RELN: variants seen among roughly 807,000 people sequenced by gnomAD.
RELN encodes the protein reelin.
In RELN, 108 loss-of-function variants were observed where a neutral mutation model predicts 427.6. The observed-to-expected ratio is 0.25, with a 90% CI of 0.22 to 0.30. The LOEUF (loss-of-function observed/expected upper bound fraction) is 0.30, where lower values mean the gene tolerates loss of function less well. RELN is among the 10% of genes least tolerant of loss of function. The pLI, the probability that RELN is intolerant of heterozygous loss-of-function variation, is 1.00. For missense variants in RELN, 3,715 were observed against 4,302.8 expected (o/e 0.86, Z 3.82); for synonymous variants, 1,524 against 1,513.4 (o/e 1.01, Z -0.16).
intron 16 of RELN, among the ~76,000 whole-genome samples, chr7:103,642,349 G>GGTTT (rs1562936417): frequency 1.8e-5 from 2 of 112,736 alleles, no homozygotes. Context: ...ATTTCATAGT[G>GGTTT]TTTTTTTTTT....
intron 6 of RELN, among the ~76,000 whole-genome samples, chr7:103,730,614 G>T (rs1188387971): frequency 6.6e-6 from 1 of 152,112 alleles, no homozygotes; most frequent in East Asian, 1.9e-4. Context: ...TATAACAAAT[G>T]TAAAAAGGCA....
intron 2 of RELN, among the ~76,000 whole-genome samples, chr7:103,837,347 C>A (rs1793435668): frequency 6.6e-6 from 1 of 152,206 alleles, no homozygotes; most frequent in African/African-American, 2.4e-5. Flanking sequence ...TTGGGAAAAT[C>A]TGACCCCTAC....
chr7:103,588,205 C>G (rs952967236), intron 28 of RELN, among the ~76,000 whole-genome samples: 3 of 152,126 alleles, frequency 2.0e-5, no homozygotes, highest in Admixed American at 2.0e-4. Flanking sequence ...AGAATGAAAT[C>G]ATGTCATTTG....
At chr7:103,911,643 G>T (rs1293494035) in intron 2 of RELN, among the ~76,000 whole-genome samples, 14 of 150,094 alleles carry the variant, frequency 9.3e-5, no homozygotes, top group Non-Finnish European at 1.6e-4. Flanking sequence ...AGAAAATGTG[G>T]CACATATACA....
chr7:103,852,898 A>C (rs899181901), intron 2 of RELN, among the ~76,000 whole-genome samples: 1 of 152,070 alleles, frequency 6.6e-6, no homozygotes, highest in Non-Finnish European at 1.5e-5. Context: ...TTCTAATTCC[A>C]ATAGTGCCTA....
intron 8 of RELN, among the ~76,000 whole-genome samples, chr7:103,720,687 A>G (rs1282887882): frequency 6.6e-6 from 1 of 152,108 alleles, no homozygotes; most frequent in Non-Finnish European, 1.5e-5. Flanking sequence ...TATGGCTGCT[A>G]TTGGATTGGT....
chr7:103,755,800 G>A (rs1454818321), intron 4 of RELN, among the ~76,000 whole-genome samples: 2 of 117,414 alleles, frequency 1.7e-5, no homozygotes, highest in South Asian at 2.9e-4. Context: ...GGGACAGAGT[G>A]AGACTCCACC....
At chr7:103,539,467 A>C (rs1729656859) in intron 44 of RELN, 140 bp from the exon 45 acceptor site, 2 of 797,334 alleles carry the variant, frequency 2.5e-6, no homozygotes, top group Non-Finnish European at 4.1e-6. Flanking sequence ...GCAGAATGTG[A>C]GGGGCCTTTC....
intron 6 of RELN, among the ~76,000 whole-genome samples, chr7:103,735,151 T>C (rs2115975344): frequency 6.6e-6 from 1 of 152,114 alleles, no homozygotes; most frequent in East Asian, 1.9e-4. Context: ...ACCATAAACA[T>C]AAAAGAAAAA....
intron 8 of RELN, among the ~76,000 whole-genome samples, chr7:103,710,373 C>G (rs575917974): frequency 6.6e-6 from 1 of 152,136 alleles, no homozygotes; most frequent in African/African-American, 2.4e-5. Context: ...GATACAGCTA[C>G]GTAGTTTACT....
chr7:103,879,028 T>G (rs1229045489), intron 2 of RELN, among the ~76,000 whole-genome samples: 1 of 152,158 alleles, frequency 6.6e-6, no homozygotes, highest in Non-Finnish European at 1.5e-5. Flanking sequence ...AAAACAGACA[T>G]GTCTAAGCTG....
At position 103,611,714 on chromosome 7, in the gene RELN, C is replaced by A. The variant is rs1188105130; in HGVS notation, c.2792G>T (p.Ser931Ile). 6.2e-7 allele frequency: 1 copy of A among 1,613,922 alleles called. No homozygotes were observed. Among genetic ancestry groups the A allele is most frequent in the East Asian group, 2.2e-5 (1 of 44,810 alleles). ...QIGASYMIQF[S>I]LVMGCGQKYT... Reference sequence around the variant, plus strand: ...TTTCTGGCCACATCCCATCACCAAACTGAACTGAATCATATAGGATGCTCC... The same window carrying A: ...TTTCTGGCCACATCCCATCACCAAAATGAACTGAATCATATAGGATGCTCC... Residue 931 changes from serine (S) to isoleucine (I), a missense_variant, in exon 21 of 65, where the codon AGT (serine) becomes ATT (isoleucine). Physicochemically the swap from Ser to Ile is moderately radical, Grantham distance 142. Around this residue, in one of 4 missense-constraint regions of RELN, gnomAD observed 2,208 missense variants for 2,361.7 expected, o/e 0.93. Transcript: ENST00000428762.
intron 16 of RELN, among the ~76,000 whole-genome samples, chr7:103,644,964 G>T (rs1245060904): frequency 6.6e-6 from 1 of 151,590 alleles, no homozygotes; most frequent in Non-Finnish European, 1.5e-5. Flanking sequence ...GAAGAGATTG[G>T]GATCCTATTT....
chr7:103,586,324 T>C (rs539915046), intron 28 of RELN, among the ~76,000 whole-genome samples: 2 of 151,874 alleles, frequency 1.3e-5, no homozygotes, highest in South Asian at 4.2e-4. Context: ...GATCACGCCA[T>C]TGCACTCCAG....
At chr7:103,596,803 T>C in intron 24 of RELN, 142 bp from the exon 25 acceptor site, 2 of 756,096 alleles carry the variant, frequency 2.6e-6, no homozygotes, top group South Asian at 1.5e-5. Context: ...AGGGCAGTCA[T>C]GCCATTTAGT....
At chr7:103,727,541 A>G (rs938964472) in intron 7 of RELN, among the ~76,000 whole-genome samples, 31 of 152,182 alleles carry the variant, frequency 2.0e-4, no homozygotes, top group Admixed American at 1.9e-3. Flanking sequence ...CATTTTATAT[A>G]TGATTTGGCA....
At chr7:103,939,955 G>A (rs763360392) in intron 1 of RELN, among the ~76,000 whole-genome samples, 60 of 152,150 alleles carry the variant, frequency 3.9e-4, no homozygotes, top group Admixed American at 2.6e-3. Context: ...TGTTGAACTG[G>A]ATGAAGGTTA....
intron 2 of RELN, among the ~76,000 whole-genome samples, chr7:103,841,880 T>C (rs1793559739): frequency 6.6e-6 from 1 of 152,192 alleles, no homozygotes; most frequent in Non-Finnish European, 1.5e-5. Context: ...CTTTAGTTTA[T>C]AATTTGCCAT....
In RELN at chr7:103,840,662, G is replaced by A. The variant is rs567622838; in HGVS notation, c.338-6990C>T. 1.1e-4 allele frequency among the ~76,000 whole-genome samples: 16 copies of A among 152,276 alleles called. 1 individual carries two copies. Among genetic ancestry groups the A allele is most frequent in the African/African-American group, 3.6e-4 (15 of 41,558 alleles). On this transcript the variant is annotated intron_variant, in intron 2 of 64. Coordinates refer to ENST00000428762, the MANE Select transcript of RELN (RefSeq NM_005045.4). ...ATCAGCTTCTCATGTTCTATGAAAT[G>A]CAATTTACTGCATCCACCATGGTGA...
Sources: allele counts gnomAD v4.1 joint callset (sites outside exome capture counted in the v4.1 genomes callset), GRCh38; gene constraint gnomAD v4.1.1; regional missense constraint gnomAD v4.1.1; transcripts MANE v1.5; gene names NCBI Gene and HGNC (gene_info 2026-07-23, HGNC 2026-07-21).